Variants in AFAP1L1 observed in about 807,000 individuals in gnomAD.
The protein encoded by AFAP1L1 is actin filament-associated protein 1-like 1.
Under a neutral mutation model 99.8 loss-of-function variants are expected in AFAP1L1, and 77 were observed. The ratio of observed to expected loss-of-function variants is 0.77; its 90% CI spans 0.64 to 0.93. AFAP1L1 has a LOEUF of 0.93. AFAP1L1 is among the 40% of genes least tolerant of loss of function. The pLI, the probability that AFAP1L1 is intolerant of heterozygous loss-of-function variation, is 0.00. For synonymous variants in AFAP1L1, 373 were observed against 395.3 expected, an observed-to-expected ratio of 0.94 and a Z score of 0.67; for missense variants, 893 against 996.8, an observed-to-expected ratio of 0.90 and a Z score of 1.40.
At chr5:149,287,700 A>G (rs904717258) in intron 1 of AFAP1L1, among the ~76,000 whole-genome samples, 3 of 150,960 alleles carry the variant, frequency 2.0e-5, no homozygotes, top group East Asian at 3.9e-4. Context: ...CTCCTGCCTC[A>G]GCCTCCTGAG....
chr5:149,305,878 C>CCACACACACA lies in AFAP1L1; in HGVS notation c.437-394_437-385dup, dbSNP rs56036411. ...AAAAATCAGAGCTGCGACCAACACACCACACACACACACACACACACACAC... is the reference window on the plus strand; with the variant it reads ...AAAAATCAGAGCTGCGACCAACACACCACACACACACACACACACACACACACACACACAC... On this transcript the variant is annotated intron_variant, in intron 5 of 18. Coordinates refer to ENST00000296721, the MANE Select transcript of AFAP1L1 (RefSeq NM_152406.4). Among the ~76,000 whole-genome samples, 630 of 142,550 alleles carry CCACACACACA rather than the reference C, an allele frequency of 4.4e-3. 7 individuals carry two copies. The highest frequency in any genetic ancestry group is 0.012 in the African/African-American group (467 of 38,102). 93.5% of individuals were successfully genotyped at this position (142,550 alleles called of 152,430 possible).
intron 7 of AFAP1L1, among the ~76,000 whole-genome samples, chr5:149,308,799 G>C (rs1276358623): frequency 6.6e-6 from 1 of 152,080 alleles, no homozygotes. Context: ...GCTCAAAAGG[G>C]AAGTCACTGT....
chr5:149,330,657 C>A (rs925479648), intron 16 of AFAP1L1, among the ~76,000 whole-genome samples: 1 of 152,148 alleles, frequency 6.6e-6, no homozygotes, highest in Non-Finnish European at 1.5e-5. Context: ...GAGGAAGGCA[C>A]AGGAAGGCAG....
rs113092297 is a variant in AFAP1L1 at position 149,293,993 on chromosome 5, A to G, written c.17-5516A>G. On this transcript the variant is annotated intron_variant, in intron 1 of 18. Coordinates refer to ENST00000296721, the MANE Select transcript of AFAP1L1 (RefSeq NM_152406.4). Reference sequence around the variant, plus strand: ...CTAAGCAAGACTCCATGCTCCAGCTATTTGTAATCTTCAGGGGCTCCTATT... The same window carrying G: ...CTAAGCAAGACTCCATGCTCCAGCTGTTTGTAATCTTCAGGGGCTCCTATT... 4.5e-3 allele frequency among the ~76,000 whole-genome samples: 679 copies of G among 152,288 alleles called. 7 individuals carry two copies. The highest frequency in any genetic ancestry group is 0.016 in the African/African-American group (647 of 41,560).
chr5:149,286,931 C>A (rs771090095), intron 1 of AFAP1L1, among the ~76,000 whole-genome samples: 33 of 152,188 alleles, frequency 2.2e-4, no homozygotes, highest in Non-Finnish European at 3.5e-4. Context: ...AAACACAGCG[C>A]ACTGTGGGAG....
At chr5:149,297,697 G>A (rs1756060856) in intron 1 of AFAP1L1, among the ~76,000 whole-genome samples, 1 of 152,158 alleles carries the variant, frequency 6.6e-6, no homozygotes, top group South Asian at 2.1e-4. Flanking sequence ...GAAGGTCCTA[G>A]TGTGGTCATC....
At chr5:149,287,041 T>C in intron 1 of AFAP1L1, among the ~76,000 whole-genome samples, 1 of 152,110 alleles carries the variant, frequency 6.6e-6, no homozygotes, top group East Asian at 1.9e-4. Flanking sequence ...GTTCCCACCA[T>C]ATAGGGTTGC....
rs563631804 is a variant in AFAP1L1, at chr5:149,309,816, C to T, written c.748-140C>T. The T allele has an allele frequency of 1.1e-5, 12 of 1,056,738 alleles. No individual in the cohort carries two copies. The African/African-American group carries it at 1.4e-4, about 12-fold the overall frequency. The allele number at this position is 1,056,738 out of a possible 1,614,324, so 65.5% of individuals were successfully genotyped here. On this transcript the variant is annotated intron_variant, in intron 7 of 18. Coordinates refer to ENST00000296721, the MANE Select transcript of AFAP1L1 (RefSeq NM_152406.4). ...GAACAGCCTGGACCCTTCAGCTATC[C>T]TCACACAGTGCCCATGGCTAGGCTG...
chr5:149,314,727 C>A (rs1756745509), intron 9 of AFAP1L1, among the ~76,000 whole-genome samples: 1 of 152,174 alleles, frequency 6.6e-6, no homozygotes, highest in Admixed American at 6.5e-5. Context: ...ATCTCCTGTC[C>A]TCTCCGTCCC....
At chr5:149,336,625 G>A (rs1033490866) in intron 18 of AFAP1L1, among the ~76,000 whole-genome samples, 4 of 152,218 alleles carry the variant, frequency 2.6e-5, no homozygotes, top group Admixed American at 6.5e-5. Context: ...GGGCATCACA[G>A]GGTGAGGGGG....
chr5:149,278,999 C>T (rs981057994), intron 1 of AFAP1L1, among the ~76,000 whole-genome samples: 9 of 152,216 alleles, frequency 5.9e-5, no homozygotes, highest in East Asian at 1.9e-4. Context: ...ATTTCCATTC[C>T]GAGGTCAACT....
At position 149,320,387 on chromosome 5, in the gene AFAP1L1, C is replaced by T. The variant is rs560121264; in HGVS notation, c.1626-4C>T. On this transcript the variant is annotated splice_polypyrimidine_tract_variant and splice_region_variant and intron_variant, in intron 13 of 18. Transcript: ENST00000296721. This position sits in a 1 kb window ranked among gnomAD's most constrained non-coding sequence, Gnocchi z 4.0. ...TCATTGTCATCGTACATTTTATTTTCTAGATATGCAAGATCCTGCCAGAAT... is the reference window on the plus strand; with the variant it reads ...TCATTGTCATCGTACATTTTATTTTTTAGATATGCAAGATCCTGCCAGAAT... 2 of 1,613,886 alleles carry T rather than the reference C, an allele frequency of 1.2e-6. No individual in the cohort carries two copies. The highest frequency in any genetic ancestry group is 2.2e-5 in the South Asian group (2 of 91,058).
chr5:149,286,309 C>T (rs1439408004), intron 1 of AFAP1L1, among the ~76,000 whole-genome samples: 2 of 152,138 alleles, frequency 1.3e-5, no homozygotes, highest in Admixed American at 1.3e-4. Context: ...AAGTCACTTG[C>T]CCAATGTCAC....
At chr5:149,324,741 T>C (rs1757047228) in intron 15 of AFAP1L1, among the ~76,000 whole-genome samples, 1 of 152,194 alleles carries the variant, frequency 6.6e-6, no homozygotes, top group Non-Finnish European at 1.5e-5. Context: ...ACTTCTAAGA[T>C]GGCTCACTGC....
At chr5:149,299,450 C>G in intron 1 of AFAP1L1, 59 bp from the exon 2 acceptor site, 1 of 1,598,716 alleles carries the variant, frequency 6.3e-7, no homozygotes, top group Admixed American at 1.7e-5. Flanking sequence ...GGGCCGAACT[C>G]CCGGGCACAG....
chr5:149,335,077 T>G (rs1271312474), intron 17 of AFAP1L1, among the ~76,000 whole-genome samples: 2 of 152,244 alleles, frequency 1.3e-5, no homozygotes, highest in Admixed American at 1.3e-4. Flanking sequence ...CACACAATGC[T>G]TTGTACGTAG....
chr5:149,335,728 G>A lies in AFAP1L1; in HGVS notation c.2283+6G>A. 1 of 1,613,186 alleles carries A rather than the reference G, an allele frequency of 6.2e-7. No homozygotes were observed. Among genetic ancestry groups the A allele is most frequent in the Non-Finnish European group, 8.5e-7 (1 of 1,179,716 alleles). ...GGGTGCTACAGAAAGCCAAGGTAGA[G>A]CCATAGTTCTGCTCCTCAAAAATCA... On this transcript the variant is annotated splice_donor_region_variant and intron_variant, in intron 18 of 18. Coordinates refer to ENST00000296721, the MANE Select transcript of AFAP1L1 (RefSeq NM_152406.4).
chr5:149,321,917 A>G (rs1335644277), intron 14 of AFAP1L1, among the ~76,000 whole-genome samples: 1 of 150,456 alleles, frequency 6.6e-6, no homozygotes, highest in African/African-American at 2.4e-5. Context: ...TGTTGTCCCA[A>G]CTACTCGGGA....
Position 149,310,120 on chromosome 5 carries a change from C to T in AFAP1L1, c.912C>T (p.Ala304=), listed in dbSNP as rs555105102. 2.6e-5 allele frequency: 41 copies of T among 1,603,368 alleles called. No individual in the cohort carries two copies. In the South Asian group the frequency reaches 3.3e-4, roughly 13 times the overall value. ...TGGCACTGCAGAGCCGAGAGCAGGC[C>T]GAGGAGTGGCTGAAGGTGCGTGGCC... The part of the protein sequence containing the change: ...LVLALQSREQ[A]EEWLKVIREV... The change falls in exon 8 of 19, where the codon GCC becomes GCT. Residue 304 remains alanine (A), a synonymous_variant. Transcript: ENST00000296721.
Sources: gnomAD v4.1 joint callset for allele counts (sites outside exome capture counted in the v4.1 genomes callset) on GRCh38, gnomAD v4.1.1 for gene constraint, Gnocchi (gnomAD v3.1) non-coding constraint, MANE v1.5 for transcripts, NCBI Gene and HGNC (gene_info 2026-07-23, HGNC 2026-07-21) for gene names.